The following EFCAB6 variants were observed in gnomAD, a reference collection of about 807,000 sequenced individuals.
EFCAB6 encodes the protein EF-hand calcium-binding domain-containing protein 6.
EFCAB6 carries 156 observed loss-of-function variants against 169.8 expected under a neutral mutation model. The ratio of observed to expected loss-of-function variants is 0.92; its 90% confidence interval spans 0.81 to 1.05. EFCAB6 has a LOEUF of 1.05. EFCAB6 is among the 50% of genes least tolerant of loss of function. The pLI, the probability that EFCAB6 is intolerant of heterozygous loss-of-function variation, is 0.00. For synonymous variants in EFCAB6, 698 were observed against 676.4 expected (o/e 1.03, Z -0.50); for missense variants, 1,800 against 1,829.1 (o/e 0.98, Z 0.29).
intron 4 of EFCAB6, among the ~76,000 whole-genome samples, chr22:43,766,297 T>C (rs2061324587): frequency 6.6e-6 from 1 of 151,970 alleles, no homozygotes; most frequent in Non-Finnish European, 1.5e-5. Context: ...CCTCCCAAAG[T>C]ACTGGGATTA....
Position 43,635,161 on chromosome 22 carries a change from G to T in EFCAB6, c.2039C>A (p.Thr680Asn), listed in dbSNP as rs764808112. 5 of 1,614,174 alleles carry T rather than the reference G, an allele frequency of 3.1e-6. No individual in the cohort carries two copies. The Admixed American group carries it at 8.3e-5, about 27-fold the overall frequency. The change falls in exon 18 of 32, where the codon ACT becomes AAT. Residue 680 changes from threonine to asparagine, a missense_variant. Coordinates refer to ENST00000262726, the MANE Select transcript of EFCAB6 (RefSeq NM_022785.4). ...CCCTTCCTTCTCGAAGCCTATTTTA[G>T]TGGTCAGCAGGGCATACTGATCATC... ...MDDDQYALLT[T>N]KIGFEKEGMS...
intron 27 of EFCAB6, among the ~76,000 whole-genome samples, chr22:43,545,208 G>A (rs2047982761): frequency 6.6e-6 from 1 of 152,110 alleles, no homozygotes; most frequent in South Asian, 2.1e-4. Flanking sequence ...ACATGATTAT[G>A]TCTTTTTCAA....
At chr22:43,700,183 A>G (rs137813) in intron 10 of EFCAB6, among the ~76,000 whole-genome samples, 83,231 of 152,004 alleles carry the variant, frequency 0.55, 23,129 homozygotes, top group East Asian at 0.77. Flanking sequence ...ACACACACAC[A>G]GAAAACAGCT....
intron 12 of EFCAB6, among the ~76,000 whole-genome samples, chr22:43,682,636 C>G (rs1036421794): frequency 6.6e-6 from 1 of 152,152 alleles, no homozygotes; most frequent in African/African-American, 2.4e-5. Flanking sequence ...AAACCACTAT[C>G]TGGGTAGCCT....
rs748655786 is a variant in EFCAB6, at chr22:43,668,914, TG to T, written c.1771del (p.His591IlefsTer25). 14 of 1,608,938 alleles carry T rather than the reference TG, an allele frequency of 8.7e-6. No individual in the cohort carries two copies. Among genetic ancestry groups the T allele is most frequent in the Admixed American group, 8.4e-5 (5 of 59,206 alleles). On this transcript the variant is annotated frameshift_variant, in exon 16 of 32. Coordinates refer to ENST00000262726, the MANE Select transcript of EFCAB6 (RefSeq NM_022785.4). LOFTEE classifies it high-confidence loss of function. ...CTGCTGCTGTTCATCTTTTTGTAAA[TG>T]TTCACTTAACAGCTGATCCTTTGGA... ...LVPKDQLLSE[H>X]LQKDEQQQPD...
rs759749374 is a variant in EFCAB6, at chr22:43,635,137, C to T, written c.2063G>A (p.Gly688Glu). Residue 688 changes from glycine to glutamate, a missense_variant, in exon 18 of 32, where the codon GGG becomes GAG. By Grantham distance (98) the Gly-to-Glu change is moderately conservative (BLOSUM62 -2). Coordinates refer to ENST00000262726, the MANE Select transcript of EFCAB6 (RefSeq NM_022785.4). The part of the protein sequence containing the change: ...LTTKIGFEKE[G>E]MSYLDFAAGF... ...TGCTGCAAAATCAAGATAGCTCATC[C>T]CTTCCTTCTCGAAGCCTATTTTAGT... The T allele has an allele frequency of 2.5e-6, 4 of 1,614,066 alleles. No individual in the cohort carries two copies. The highest frequency in any genetic ancestry group is 3.4e-6 in the Non-Finnish European group (4 of 1,180,050).
At chr22:43,656,228 T>C (rs555901668) in intron 17 of EFCAB6, among the ~76,000 whole-genome samples, 1 of 152,128 alleles carries the variant, frequency 6.6e-6, no homozygotes, top group Non-Finnish European at 1.5e-5. Context: ...CCGTCTCTAC[T>C]AAAACTACAA....
chr22:43,775,295 T>G (rs1468592374), intron 3 of EFCAB6, among the ~76,000 whole-genome samples: 1 of 152,092 alleles, frequency 6.6e-6, no homozygotes, highest in Non-Finnish European at 1.5e-5. Flanking sequence ...AATATCATGT[T>G]AACACTCCTC....
chr22:43,670,768 G>A (rs1193420092), intron 15 of EFCAB6, among the ~76,000 whole-genome samples: 1 of 152,186 alleles, frequency 6.6e-6, no homozygotes, highest in Non-Finnish European at 1.5e-5. Context: ...CTGTTCACTT[G>A]GAACAGAAGG....
chr22:43,666,298 G>A (rs1164852443), intron 17 of EFCAB6, among the ~76,000 whole-genome samples: 6 of 152,022 alleles, frequency 3.9e-5, no homozygotes, highest in South Asian at 2.1e-4. Flanking sequence ...GCCCTGCTCC[G>A]TCCTCCAGTC....
intron 9 of EFCAB6, among the ~76,000 whole-genome samples, chr22:43,711,915 C>T (rs1388212380): frequency 1.3e-5 from 2 of 152,114 alleles, no homozygotes; most frequent in Admixed American, 6.5e-5. Context: ...GTAGATCTGC[C>T]GGTTTGATAC....
intron 7 of EFCAB6, among the ~76,000 whole-genome samples, chr22:43,735,535 G>A (rs2060102839): frequency 6.6e-6 from 1 of 152,096 alleles, no homozygotes; most frequent in Non-Finnish European, 1.5e-5. Context: ...GGGATGGGGG[G>A]GCGGGCACAG....
intron 26 of EFCAB6, among the ~76,000 whole-genome samples, chr22:43,557,651 A>G (rs892475053): frequency 6.6e-6 from 1 of 152,196 alleles, no homozygotes; most frequent in African/African-American, 2.4e-5. Flanking sequence ...GAACACAGAA[A>G]GAGTCATATT....
chr22:43,647,069 C>A (rs2056200808), intron 17 of EFCAB6, among the ~76,000 whole-genome samples: 1 of 151,826 alleles, frequency 6.6e-6, no homozygotes, highest in Non-Finnish European at 1.5e-5. Context: ...CACGTGGGGA[C>A]AGGGGTATAC....
chr22:43,743,903 G>T (rs897250435), intron 6 of EFCAB6, among the ~76,000 whole-genome samples: 8 of 150,160 alleles, frequency 5.3e-5, no homozygotes, highest in Non-Finnish European at 1.2e-4. Context: ...TGGATGGATG[G>T]GTGGGTGGGT....
intron 9 of EFCAB6, 137 bp from the exon 10 acceptor site, chr22:43,711,760 C>G (rs1393000539): frequency 2.0e-6 from 2 of 1,003,758 alleles, no homozygotes; most frequent in Non-Finnish European, 1.4e-6. Flanking sequence ...ATGGCATGTA[C>G]TGAACTTCAA....
At chr22:43,611,724 G>A (rs2053320028) in intron 21 of EFCAB6, among the ~76,000 whole-genome samples, 1 of 152,136 alleles carries the variant, frequency 6.6e-6, no homozygotes, top group African/African-American at 2.4e-5. Context: ...CTTGAGCCTG[G>A]TAGGCTGAGG....
chr22:43,804,632 T>C (rs1025762317), intron 2 of EFCAB6, among the ~76,000 whole-genome samples: 2 of 151,930 alleles, frequency 1.3e-5, no homozygotes, highest in Non-Finnish European at 2.9e-5. Flanking sequence ...GGAATGGTGG[T>C]GGCACGCACC....
chr22:43,605,525 C>T (rs2052852613), intron 22 of EFCAB6, among the ~76,000 whole-genome samples: 2 of 152,226 alleles, frequency 1.3e-5, no homozygotes, highest in Admixed American at 6.5e-5. Context: ...TGCCTGTAAT[C>T]CCAGCTACTT....
Sources: allele counts gnomAD v4.1 joint callset (sites outside exome capture counted in the v4.1 genomes callset), GRCh38; gene constraint gnomAD v4.1.1; transcripts MANE v1.5; gene names NCBI Gene and HGNC (gene_info 2026-07-23, HGNC 2026-07-21).